Variants in CDH20 observed in about 807,000 individuals in gnomAD.
CDH20 encodes cadherin-20.
A neutral mutation model predicts 74.2 loss-of-function variants in CDH20; 29 were observed. That is an observed-to-expected ratio of 0.39 (90% CI 0.29 to 0.53). The LOEUF is 0.53. Among genes scored for constraint, CDH20 ranks in the 20% least tolerant of loss-of-function variants. The pLI is 0.69. For missense variants in CDH20, 988 were observed against 1,048.3 expected, an observed-to-expected ratio of 0.94 and a Z score of 0.79; for synonymous variants, 469 against 405.4, an observed-to-expected ratio of 1.16 and a Z score of -1.88.
intron 1 of CDH20, among the ~76,000 whole-genome samples, chr18:61,370,619 G>GT (rs1432683722): frequency 6.6e-6 from 1 of 151,908 alleles, no homozygotes; most frequent in East Asian, 1.9e-4. Flanking sequence ...TTATTTTCAT[G>GT]TTTTTTTCTC....
At chr18:61,549,893 C>CCCTGCA (rs1354759912) in intron 10 of CDH20, 85 bp from the exon 11 acceptor site, 3 of 1,406,860 alleles carry the variant, frequency 2.1e-6, no homozygotes, top group Non-Finnish European at 3.0e-6. Context: ...CCTTCCTACA[C>CCCTGCA]CCTGCCCCTG....
At chr18:61,371,531 T>C (rs534912159) in intron 1 of CDH20, among the ~76,000 whole-genome samples, 2 of 152,086 alleles carry the variant, frequency 1.3e-5, no homozygotes, top group Non-Finnish European at 2.9e-5. Flanking sequence ...TGCATTGTCT[T>C]AGATATAAGG....
chr18:61,442,913 GA>G (rs34447458), intron 1 of CDH20, among the ~76,000 whole-genome samples: 130,017 of 149,696 alleles, frequency 0.87, 56,436 homozygotes, highest in Middle Eastern at 0.93. Flanking sequence ...CCGGGATCCT[GA>G]AAAAAAAAAA....
At chr18:61,477,283 A>C (rs1034693170) in intron 1 of CDH20, among the ~76,000 whole-genome samples, 1 of 152,142 alleles carries the variant, frequency 6.6e-6, no homozygotes. Flanking sequence ...CTGATAAACA[A>C]CACCTTCTAC....
intron 1 of CDH20, among the ~76,000 whole-genome samples, chr18:61,441,611 T>C (rs1444561071): frequency 6.6e-6 from 1 of 152,156 alleles, no homozygotes; most frequent in East Asian, 1.9e-4. Flanking sequence ...GCCTGTAAAA[T>C]AGTTGTGTGG....
At chr18:61,451,489 T>G (rs888697658) in intron 1 of CDH20, among the ~76,000 whole-genome samples, 3 of 152,120 alleles carry the variant, frequency 2.0e-5, no homozygotes, top group Non-Finnish European at 2.9e-5. Context: ...TCAGTGACTA[T>G]GTCGATAGCT....
intron 1 of CDH20, among the ~76,000 whole-genome samples, chr18:61,378,288 G>T (rs1911315031): frequency 6.6e-6 from 1 of 152,148 alleles, no homozygotes; most frequent in Non-Finnish European, 1.5e-5. Flanking sequence ...ACGTGTATCT[G>T]AGCCTGAGAA....
chr18:61,481,557 T>C (rs1406516506), intron 1 of CDH20, among the ~76,000 whole-genome samples: 1 of 152,208 alleles, frequency 6.6e-6, no homozygotes, highest in Non-Finnish European at 1.5e-5. Context: ...AGATACATAA[T>C]AAACATCAGT....
At position 61,390,448 on chromosome 18, in the gene CDH20, GC is replaced by G. The variant is rs1239910220; in HGVS notation, c.-153+56622del. On this transcript the variant is annotated intron_variant, in intron 1 of 11. Coordinates refer to ENST00000262717, the MANE Select transcript of CDH20 (RefSeq NM_031891.4). ...ATGTAATTTAAGTCCTACCAAACTT[GC>G]GACAGGATATTTTTGTATAAGTTGG... is the stretch of plus-strand genomic sequence containing the variant. Among the ~76,000 whole-genome samples, 4 of 152,080 alleles carry G rather than the reference GC, an allele frequency of 2.6e-5. No homozygotes were observed. The East Asian group carries it at 7.7e-4, about 29-fold the overall frequency.
intron 1 of CDH20, among the ~76,000 whole-genome samples, chr18:61,371,685 G>GAA (rs1186219623): frequency 6.6e-6 from 1 of 152,036 alleles, no homozygotes; most frequent in Non-Finnish European, 1.5e-5. Flanking sequence ...ATGGCCAAAA[G>GAA]AAAAGTAGCT....
chr18:61,551,880 A>G (rs1464271641), intron 11 of CDH20, among the ~76,000 whole-genome samples: 1 of 152,210 alleles, frequency 6.6e-6, no homozygotes, highest in East Asian at 1.9e-4. Flanking sequence ...TGATTTAAAG[A>G]GACTGGCTTG....
chr18:61,550,179 T>G lies in CDH20; in HGVS notation c.1850T>G (p.Leu617Trp). Residue 617 changes from leucine (L) to tryptophan (W), a missense_variant, in exon 11 of 12, where the codon TTG (leucine) becomes TGG (tryptophan). Leu to Trp is a moderately conservative substitution (Grantham distance 61). Coordinates refer to ENST00000262717, the MANE Select transcript of CDH20 (RefSeq NM_031891.4). ...GAGGCCTACATGCTCCCAGTCAGTT[T>G]GAGCCGGGGCGCCCTCATTGCCATC... ...SPEAYMLPVS[L>W]SRGALIAILA... The G allele has an allele frequency of 1.2e-6, 2 of 1,614,116 alleles. No individual in the cohort carries two copies. The highest frequency in any genetic ancestry group is 1.7e-6 in the Non-Finnish European group (2 of 1,180,048).
At chr18:61,443,804 T>A (rs1012434712) in intron 1 of CDH20, among the ~76,000 whole-genome samples, 2 of 152,050 alleles carry the variant, frequency 1.3e-5, no homozygotes, top group African/African-American at 4.8e-5. Flanking sequence ...TCAGGACCCC[T>A]CTCCCCATGG....
intron 8 of CDH20, among the ~76,000 whole-genome samples, chr18:61,537,144 T>A (rs1015220799): frequency 6.6e-6 from 1 of 151,970 alleles, no homozygotes; most frequent in African/African-American, 2.4e-5. Context: ...ATAAACATAA[T>A]AAAAATTAGA....
At chr18:61,536,407 T>A (rs143940274) in intron 7 of CDH20, 86 bp from the exon 8 acceptor site, 1 of 1,024,720 alleles carries the variant, frequency 9.8e-7, no homozygotes, top group Non-Finnish European at 1.5e-6. Flanking sequence ...CCATGTTTCA[T>A]ATGGTAGGCA....
chr18:61,513,866 T>A (rs1427263272), intron 6 of CDH20, among the ~76,000 whole-genome samples: 3 of 152,152 alleles, frequency 2.0e-5, no homozygotes, highest in Non-Finnish European at 4.4e-5. Flanking sequence ...TGCCGAGAGA[T>A]CCGCTATTAG....
chr18:61,455,328 G>A (rs1909536424), intron 1 of CDH20, among the ~76,000 whole-genome samples: 2 of 152,158 alleles, frequency 1.3e-5, no homozygotes, highest in Admixed American at 6.6e-5. Flanking sequence ...AATAAAGTCT[G>A]TAGTTTAGTT....
At chr18:61,538,557 G>C (rs1036490456) in intron 8 of CDH20, among the ~76,000 whole-genome samples, 1 of 145,780 alleles carries the variant, frequency 6.9e-6, no homozygotes, top group Non-Finnish European at 1.5e-5. Flanking sequence ...TTCAAATCCA[G>C]ACTCACCAAG....
At chr18:61,533,477 C>A (rs146642305) in intron 7 of CDH20, among the ~76,000 whole-genome samples, 1 of 152,226 alleles carries the variant, frequency 6.6e-6, no homozygotes, top group East Asian at 1.9e-4. Flanking sequence ...AATTACTGGT[C>A]TTTTAAAAAC....
Sources: allele counts gnomAD v4.1 joint callset (sites outside exome capture counted in the v4.1 genomes callset), GRCh38; gene constraint gnomAD v4.1.1; transcripts MANE v1.5; gene names NCBI Gene and HGNC (gene_info 2026-07-23, HGNC 2026-07-21).